RELL1: variants seen among roughly 807,000 people sequenced by gnomAD.
RELL1 encodes the protein RELT-like protein 1.
RELL1 carries 10 observed loss-of-function variants against 23.0 expected under a neutral mutation model. The ratio of observed to expected loss-of-function variants is 0.43; its 90% CI spans 0.27 to 0.74. The LOEUF (loss-of-function observed/expected upper bound fraction) is 0.74. Ranked by LOEUF, RELL1 falls within the 30% of genes least tolerant of loss-of-function variation. The pLI is 0.19. For synonymous variants in RELL1, 146 were observed against 146.8 expected, an observed-to-expected ratio of 0.99 and a Z score of 0.04; for missense variants, 315 against 364.4, an observed-to-expected ratio of 0.86 and a Z score of 1.10.
At chr4:37,664,246 C>T (rs1002432243) in intron 1 of RELL1, among the ~76,000 whole-genome samples, 7 of 151,768 alleles carry the variant, frequency 4.6e-5, no homozygotes, top group African/African-American at 7.3e-5. Context: ...CATGGTGGCA[C>T]GTGCCTGTAG....
downstream of RELL1, chr4:37,588,666 A>T (rs1044201012): frequency 2.9e-5 from 16 of 555,258 alleles, no homozygotes. Context: ...TGAAGCGGTG[A>T]TGGAAATGGG....
chr4:37,622,427 T>G (rs1305664374), intron 6 of RELL1, among the ~76,000 whole-genome samples: 2 of 152,256 alleles, frequency 1.3e-5, no homozygotes, highest in Admixed American at 6.5e-5. Context: ...GATTTATTTT[T>G]GGGATTTATT....
downstream of RELL1, among the ~76,000 whole-genome samples, chr4:37,589,851 C>T (rs555104083): frequency 5.8e-4 from 88 of 152,320 alleles, no homozygotes; most frequent in African/African-American, 1.9e-3. Context: ...AGGCTGGTCT[C>T]GAACTCCTGA....
At chr4:37,590,524 G>A (rs1458199823), downstream of RELL1, 2 of 1,614,094 alleles carry the variant, frequency 1.2e-6, no homozygotes, top group East Asian at 2.2e-5. Flanking sequence ...AGGGACCCAA[G>A]TCATGAGAAA....
At position 37,598,284 on chromosome 4, in the gene RELL1, A is replaced by AAAAAAAG. The variant is rs869260737; in HGVS notation, c.*4-7068_*4-7067insCTTTTTT. Among the ~76,000 whole-genome samples, 102 of 117,228 alleles carry AAAAAAAG rather than the reference A, an allele frequency of 8.7e-4. 2 individuals carry two copies. The highest frequency in any genetic ancestry group is 5.3e-3 in the East Asian group (17 of 3,196). The allele number at this position is 117,228 out of a possible 152,430, so 76.9% of individuals were successfully genotyped here. On this transcript the variant is annotated intron_variant, in intron 6 of 6. Coordinates refer to the RELL1 transcript ENST00000314117. ...AAAAAAAAAAAAAAAAAAAAAAAAAAGTTTATAGGAAGAAAATATATAGAG... is the reference window on the plus strand; with the variant it reads ...AAAAAAAAAAAAAAAAAAAAAAAAAAAAAAAAGGTTTATAGGAAGAAAATATATAGAG...
chr4:37,621,210 A>C (rs1049722489), intron 6 of RELL1, among the ~76,000 whole-genome samples: 3 of 152,210 alleles, frequency 2.0e-5, no homozygotes, highest in African/African-American at 7.2e-5. Flanking sequence ...TAATCCCAGC[A>C]CTTTCGGAGG....
At chr4:37,651,365 C>T (rs1720933171) in intron 1 of RELL1, among the ~76,000 whole-genome samples, 1 of 152,142 alleles carries the variant, frequency 6.6e-6, no homozygotes, top group South Asian at 2.1e-4. Context: ...CCAAAGAAAA[C>T]TGTGGGGTTT....
At chr4:37,592,834 T>C (rs1227576625) in intron 6 of RELL1, among the ~76,000 whole-genome samples, 1 of 152,234 alleles carries the variant, frequency 6.6e-6, no homozygotes, top group Non-Finnish European at 1.5e-5. Flanking sequence ...AAAATGATGT[T>C]TTACTAGTTG....
At chr4:37,590,404 C>T (rs1718540247), downstream of RELL1, 2 of 1,613,542 alleles carry the variant, frequency 1.2e-6, no homozygotes, top group Admixed American at 3.3e-5. Flanking sequence ...CAGCCCCACC[C>T]AGGATGACAG....
At chr4:37,614,628 A>G (rs1719512562) in intron 6 of RELL1, among the ~76,000 whole-genome samples, 1 of 151,820 alleles carries the variant, frequency 6.6e-6, no homozygotes, top group South Asian at 2.1e-4. Flanking sequence ...GCAGAGGGGG[A>G]AAAAAGGTAG....
In RELL1 at chr4:37,644,438, TTTTATTTA is replaced by T. The variant is rs10523379; in HGVS notation, c.385+2922_385+2929del. Among the ~76,000 whole-genome samples the T allele has an allele frequency of 5.9e-3, 807 of 137,876 alleles. 8 individuals are homozygous for T. Among genetic ancestry groups the T allele is most frequent in the African/African-American group, 0.017 (618 of 37,270 alleles). 90.5% of individuals were successfully genotyped at this position (137,876 alleles called of 152,430 possible). Reference sequence around the variant, plus strand: ...CGTCATCTGGTACTTTTATTTTTATTTTTATTTATTTATTTATTTATTTATTTATTTAT... The same window carrying T: ...CGTCATCTGGTACTTTTATTTTTATTTTTATTTATTTATTTATTTATTTAT... On this transcript the variant is annotated intron_variant, in intron 3 of 6. Coordinates refer to ENST00000454158, the MANE Select transcript of RELL1 (RefSeq NM_001085400.2).
At chr4:37,644,402 A>G (rs1720628218) in intron 3 of RELL1, among the ~76,000 whole-genome samples, 1 of 151,750 alleles carries the variant, frequency 6.6e-6, no homozygotes, top group Admixed American at 6.6e-5. Flanking sequence ...ATAGGGTGGT[A>G]ACAGGGCCTA....
chr4:37,673,186 CTTTTTTT>C (rs71189095), intron 1 of RELL1, among the ~76,000 whole-genome samples: 3 of 93,180 alleles, frequency 3.2e-5, no homozygotes, highest in African/African-American at 1.2e-4. Flanking sequence ...CTTTTTTTTT[CTTTTTTT>C]TTTTTTTTTT....
chr4:37,668,463 C>T (rs1357143513), intron 1 of RELL1, among the ~76,000 whole-genome samples: 1 of 152,112 alleles, frequency 6.6e-6, no homozygotes, highest in Non-Finnish European at 1.5e-5. Flanking sequence ...AGTGATCCGC[C>T]AGCCTCGGCC....
chr4:37,589,956 A>T, downstream of RELL1: 1 of 760,518 alleles, frequency 1.3e-6, no homozygotes, highest in Non-Finnish European at 2.2e-6. Flanking sequence ...TATTTGATTT[A>T]GACATACTTA....
intron 6 of RELL1, among the ~76,000 whole-genome samples, chr4:37,592,417 T>C (rs1718665941): frequency 6.6e-6 from 1 of 151,822 alleles, no homozygotes; most frequent in African/African-American, 2.4e-5. Flanking sequence ...CCGAGCTGGT[T>C]TGCAGAGCCA....
intron 1 of RELL1, among the ~76,000 whole-genome samples, chr4:37,674,255 T>C (rs1721941068): frequency 6.6e-6 from 1 of 152,266 alleles, no homozygotes; most frequent in African/African-American, 2.4e-5. Context: ...TTTACATACC[T>C]ACATAGCACC....
At chr4:37,661,681 T>C (rs1012687794) in intron 1 of RELL1, among the ~76,000 whole-genome samples, 3 of 152,238 alleles carry the variant, frequency 2.0e-5, no homozygotes, top group Non-Finnish European at 2.9e-5. Flanking sequence ...AAATTATTCC[T>C]ATTTGGTTAC....
intron 1 of RELL1, among the ~76,000 whole-genome samples, chr4:37,654,785 A>C (rs1409041992): frequency 6.6e-6 from 1 of 152,232 alleles, no homozygotes; most frequent in African/African-American, 2.4e-5. Context: ...TTGTGAAGAT[A>C]CAGGAAAACA....
Sources: gnomAD v4.1 joint callset for allele counts (sites outside exome capture counted in the v4.1 genomes callset) on GRCh38, gnomAD v4.1.1 for gene constraint, MANE v1.5 for transcripts, NCBI Gene and HGNC (gene_info 2026-07-23, HGNC 2026-07-21) for gene names.